The following FAM184A variants were observed in gnomAD, a reference collection of about 807,000 sequenced individuals.
The protein encoded by FAM184A is protein FAM184A.
FAM184A carries 99 observed loss-of-function variants against 143.8 expected under a neutral mutation model. The ratio of observed to expected loss-of-function variants is 0.69; its 90% CI spans 0.58 to 0.81. FAM184A has a LOEUF of 0.81. Among genes scored for constraint, FAM184A ranks in the 40% least tolerant of loss-of-function variants. The pLI is 0.00. For synonymous variants in FAM184A, 427 were observed against 446.4 expected (o/e 0.96, Z 0.55); for missense variants, 1,217 against 1,310.5 (o/e 0.93, Z 1.10).
chr6:119,068,442 T>A (rs1010023763), intron 1 of FAM184A, among the ~76,000 whole-genome samples: 6 of 152,194 alleles, frequency 3.9e-5, no homozygotes, highest in Non-Finnish European at 7.3e-5. Context: ...CTCTCCTGCA[T>A]CAATTATCTC....
upstream of FAM184A, among the ~76,000 whole-genome samples, chr6:119,081,643 A>C (rs1414667927): frequency 6.6e-6 from 1 of 152,160 alleles, no homozygotes; most frequent in African/African-American, 2.4e-5. Context: ...TTGGAGAATG[A>C]GTGCAAGGTT....
chr6:119,051,697 G>T (rs1480498923), intron 1 of FAM184A, among the ~76,000 whole-genome samples: 1 of 150,688 alleles, frequency 6.6e-6, no homozygotes, highest in South Asian at 2.1e-4. Context: ...TGCCAAAAAA[G>T]AAAAAAAAGA....
At chr6:119,069,991 T>A (rs1264727761) in intron 1 of FAM184A, among the ~76,000 whole-genome samples, 2 of 152,090 alleles carry the variant, frequency 1.3e-5, no homozygotes, top group Non-Finnish European at 2.9e-5. Flanking sequence ...AATAAGGAAA[T>A]ACAGAATTAG....
intron 1 of FAM184A, among the ~76,000 whole-genome samples, chr6:119,027,932 C>T (rs1285809943): frequency 6.6e-6 from 1 of 152,184 alleles, no homozygotes; most frequent in Non-Finnish European, 1.5e-5. Context: ...GCTTCCCTTC[C>T]TTAATCAACT....
chr6:119,141,493 TA>T (rs960080505), intron 1 of FAM184A, among the ~76,000 whole-genome samples: 2 of 152,122 alleles, frequency 1.3e-5, no homozygotes, highest in African/African-American at 4.8e-5. Flanking sequence ...TATTTTATTT[TA>T]TTTTTTTTGA....
chr6:118,965,205 G>GTTTT (rs5879475), intron 15 of FAM184A, among the ~76,000 whole-genome samples: 1 of 131,024 alleles, frequency 7.6e-6, no homozygotes, highest in African/African-American at 2.8e-5. Flanking sequence ...TTTTTTGTTT[G>GTTTT]TTTTTTTTTT....
intron 1 of FAM184A, among the ~76,000 whole-genome samples, chr6:119,088,694 A>G (rs1257412536): frequency 6.6e-6 from 1 of 152,182 alleles, no homozygotes; most frequent in Non-Finnish European, 1.5e-5. Context: ...AGGAACATTC[A>G]GTATTTGAAT....
At position 119,006,489 on chromosome 6, in the gene FAM184A, T is replaced by C. The variant is rs1443967263; in HGVS notation, c.1773A>G (p.Lys591=). ...CATCCTTGGTCTCCTTTAGGCTGTCTTTAGTCAAGTCAAGCTCATTCTGAA... is the reference window on the plus strand; with the variant it reads ...CATCCTTGGTCTCCTTTAGGCTGTCCTTAGTCAAGTCAAGCTCATTCTGAA... ...ERLQNELDLT[K]DSLKETKDAL... Residue 591 remains lysine (K), a synonymous_variant, in exon 7 of 18, where the codon AAA becomes AAG. Coordinates refer to ENST00000338891, the MANE Select transcript of FAM184A (RefSeq NM_024581.6). The C allele has an allele frequency of 6.2e-7, 1 of 1,614,052 alleles. No homozygotes were observed. Among genetic ancestry groups the C allele is most frequent in the Non-Finnish European group, 8.5e-7 (1 of 1,179,972 alleles).
rs529963836 is a variant in FAM184A, at chr6:119,032,580, AGAG to A, written c.160-7770_160-7768del. On this transcript the variant is annotated intron_variant, in intron 1 of 17. Transcript: ENST00000338891. ...AGGAGAAGGAGAAGGAAGAGGAGGA[AGAG>A]GAGGAGAAGAGCAGGAGAAGAGGGG... 9.1e-4 allele frequency among the ~76,000 whole-genome samples: 110 copies of A among 120,870 alleles called. 1 individual carries two copies. Among genetic ancestry groups the A allele is most frequent in the South Asian group, 3.6e-3 (11 of 3,076 alleles). 79.3% of individuals were successfully genotyped at this position (120,870 alleles called of 152,430 possible).
intron 1 of FAM184A, among the ~76,000 whole-genome samples, chr6:119,061,127 T>C (rs928525904): frequency 6.6e-6 from 1 of 152,202 alleles, no homozygotes; most frequent in Non-Finnish European, 1.5e-5. Context: ...ACCCATGGAC[T>C]GTGTCTCTTC....
intron 1 of FAM184A, among the ~76,000 whole-genome samples, chr6:119,085,935 C>A (rs1353431703): frequency 6.6e-6 from 1 of 152,112 alleles, no homozygotes; most frequent in African/African-American, 2.4e-5. Flanking sequence ...GTCACCCATT[C>A]ATTATCATGA....
At chr6:119,079,804 G>A (rs192267284), upstream of FAM184A, among the ~76,000 whole-genome samples, 1 of 152,168 alleles carries the variant, frequency 6.6e-6, no homozygotes, top group South Asian at 2.1e-4. Context: ...CAAGGTGAAG[G>A]TTTAATCGGA....
intron 1 of FAM184A, among the ~76,000 whole-genome samples, chr6:119,131,102 A>C (rs1015641300): frequency 9.2e-5 from 14 of 151,876 alleles, no homozygotes; most frequent in African/African-American, 3.4e-4. Context: ...CAGGTGATCC[A>C]CCCTTCTCTG....
In FAM184A at chr6:119,011,380, T is replaced by A; in HGVS notation, c.1582A>T (p.Asn528Tyr). The change falls in exon 6 of 18, where the codon AAT becomes TAT. Residue 528 changes from asparagine to tyrosine, a missense_variant. Physicochemically the swap from Asn to Tyr is moderately radical, Grantham distance 143. Coordinates refer to ENST00000338891, the MANE Select transcript of FAM184A (RefSeq NM_024581.6). ...KDKLNLEEDK[N>Y]QLQQELENLK... ...TTTTCTAGCTCTTGTTGAAGCTGAT[T>A]TTTATCCTCTTCCAGGTTTAGTTTA... is the stretch of plus-strand genomic sequence containing the variant. The A allele has an allele frequency of 1.9e-6, 3 of 1,584,056 alleles. No homozygotes were observed. The highest frequency in any genetic ancestry group is 2.6e-6 in the Non-Finnish European group (3 of 1,161,264).
upstream of FAM184A, among the ~76,000 whole-genome samples, chr6:119,079,465 T>C (rs532108223): frequency 4.9e-4 from 75 of 152,360 alleles, no homozygotes; most frequent in South Asian, 0.014. Flanking sequence ...GTGTCATAAC[T>C]TGTGCATTTT....
chr6:118,988,547 C>T (rs970157858), intron 9 of FAM184A, among the ~76,000 whole-genome samples: 1 of 152,128 alleles, frequency 6.6e-6, no homozygotes. Context: ...AAATGAGTTG[C>T]GGTGAAAACC....
chr6:118,999,287 C>G (rs1226644861), intron 9 of FAM184A, among the ~76,000 whole-genome samples: 1 of 152,140 alleles, frequency 6.6e-6, no homozygotes, highest in African/African-American at 2.4e-5. Context: ...CTATTTCATT[C>G]TTACTTCAAT....
At chr6:119,014,117 A>G (rs79115533) in intron 5 of FAM184A, among the ~76,000 whole-genome samples, 2,470 of 152,374 alleles carry the variant, frequency 0.016, 26 homozygotes, top group South Asian at 0.028. Flanking sequence ...TCCCCTCTTC[A>G]GTAAAATGTG....
intron 4 of FAM184A, among the ~76,000 whole-genome samples, chr6:119,018,166 T>C (rs1785326886): frequency 6.6e-6 from 1 of 152,108 alleles, no homozygotes; most frequent in Admixed American, 6.6e-5. Context: ...ATGCCTAACT[T>C]GGACGCGGTG....
Sources: allele counts gnomAD v4.1 joint callset (sites outside exome capture counted in the v4.1 genomes callset), GRCh38; gene constraint gnomAD v4.1.1; transcripts MANE v1.5; gene names NCBI Gene and HGNC (gene_info 2026-07-23, HGNC 2026-07-21).